VWF: variants seen among roughly 807,000 people sequenced by gnomAD.
The protein encoded by VWF is Factor VIII related antigen.
In VWF, 176 loss-of-function variants were observed where a neutral mutation model predicts 308.6. The observed-to-expected ratio is 0.57, with a 90% CI of 0.50 to 0.65. The LOEUF is 0.65. VWF is among the 30% of genes least tolerant of loss of function. The probability of loss-of-function intolerance (pLI) is 0.00; values close to 1 mark genes in which losing one functional copy is unlikely to be tolerated. For synonymous variants in VWF, 1,385 were observed against 1,443.4 expected (o/e 0.96, Z 0.92); for missense variants, 3,146 against 3,648.2 (o/e 0.86, Z 3.55).
intron 40 of VWF, among the ~76,000 whole-genome samples, chr12:5,984,337 C>T (rs1943653155): frequency 6.6e-6 from 1 of 152,238 alleles, no homozygotes; most frequent in South Asian, 2.1e-4. Flanking sequence ...ACATCTCCCT[C>T]CCCTACAGGA....
chr12:6,032,819 C>T (rs1944283742), intron 20 of VWF, among the ~76,000 whole-genome samples: 1 of 151,956 alleles, frequency 6.6e-6, no homozygotes, highest in Admixed American at 6.6e-5. Context: ...CTCATACACA[C>T]ACTCACACAC....
intron 3 of VWF, 109 bp from the exon 4 acceptor site, chr12:6,111,077 A>G (rs988327328): frequency 5.9e-6 from 6 of 1,013,988 alleles, no homozygotes; most frequent in Admixed American, 2.0e-5. Flanking sequence ...AAACGCCCCA[A>G]AAAGTCTTTA....
At chr12:6,016,677 C>G (rs137875257) in intron 29 of VWF, 21 bp from the exon 30 acceptor site, 2 of 1,614,186 alleles carry the variant, frequency 1.2e-6, no homozygotes, top group Non-Finnish European at 1.7e-6. Context: ...CGAGAAAATG[C>G]GGATTATTTT....
chr12:6,079,403 A>G lies in VWF; in HGVS notation c.658-3852T>C, dbSNP rs113487063. ...GGGCGGATCAAGAGGTCAGGAGATC[A>G]AGACCATCCTGGCTAACACGGTGAA... On this transcript the variant is annotated intron_variant, in intron 6 of 51. Coordinates refer to ENST00000261405, the MANE Select transcript of VWF (RefSeq NM_000552.5). 1.5e-3 allele frequency among the ~76,000 whole-genome samples: 233 copies of G among 152,238 alleles called. 1 individual carries two copies. Among genetic ancestry groups the G allele is most frequent in the South Asian group, 0.013 (64 of 4,822 alleles).
At chr12:5,957,598 AGACTAAG>A in intron 47 of VWF, among the ~76,000 whole-genome samples, 1 of 150,432 alleles carries the variant, frequency 6.6e-6, no homozygotes, top group African/African-American at 2.5e-5. Flanking sequence ...CACAAGCCAA[AGACTAAG>A]AAACATACTT....
chr12:6,016,871 C>A lies in VWF; in HGVS notation c.5054-1G>T. The A allele has an allele frequency of 6.2e-7, 1 of 1,613,860 alleles. No homozygotes were observed. Among genetic ancestry groups the A allele is most frequent in the South Asian group, 1.1e-5 (1 of 91,038 alleles). ...ATCACGTCCAGGGGCTGGCTGCAGT[C>A]TGCAAAGACAACCAGGAAGGTGAGC... On this transcript the variant is annotated splice_acceptor_variant, in intron 28 of 51. Transcript: ENST00000261405. LOFTEE classifies it high-confidence loss of function.
chr12:6,015,006 A>C (rs1944040610), intron 31 of VWF, among the ~76,000 whole-genome samples: 1 of 152,254 alleles, frequency 6.6e-6, no homozygotes, highest in Admixed American at 6.5e-5. Flanking sequence ...TCAGCTCTCC[A>C]GAAAGTTCTA....
intron 34 of VWF, among the ~76,000 whole-genome samples, chr12:6,011,306 C>A (rs1943990340): frequency 6.6e-6 from 1 of 152,184 alleles, no homozygotes; most frequent in Non-Finnish European, 1.5e-5. Flanking sequence ...TACACAGATT[C>A]CTAAAGGTTG....
intron 45 of VWF, 39 bp from the exon 46 acceptor site, chr12:5,968,206 C>T: frequency 6.2e-7 from 1 of 1,613,288 alleles, no homozygotes; most frequent in Non-Finnish European, 8.5e-7. Flanking sequence ...GTGGGCAAAA[C>T]ACACCCTGGT....
At chr12:6,066,393 T>A (rs1192999629) in intron 10 of VWF, among the ~76,000 whole-genome samples, 1 of 152,170 alleles carries the variant, frequency 6.6e-6, no homozygotes, top group Admixed American at 6.5e-5. Context: ...CTATCTACTC[T>A]ACAGAAAAAG....
At chr12:6,031,874 A>C (rs1254993375) in intron 20 of VWF, among the ~76,000 whole-genome samples, 1 of 152,048 alleles carries the variant, frequency 6.6e-6, no homozygotes, top group Non-Finnish European at 1.5e-5. Context: ...GCTTCGATGG[A>C]TGCATCAGGC....
chr12:6,057,221 C>A (rs1197470334), intron 14 of VWF, 149 bp from the exon 15 acceptor site: 3 of 675,478 alleles, frequency 4.4e-6, no homozygotes, highest in East Asian at 5.9e-5. Flanking sequence ...ACCCCCACCC[C>A]CAAGTCCATT....
At chr12:6,067,913 C>G (rs1944734817) in intron 10 of VWF, among the ~76,000 whole-genome samples, 1 of 152,042 alleles carries the variant, frequency 6.6e-6, no homozygotes, top group Non-Finnish European at 1.5e-5. Flanking sequence ...ACAGGCGGAG[C>G]ACCCAAGGTC....
At chr12:6,010,456 T>C (rs1943981646) in intron 34 of VWF, among the ~76,000 whole-genome samples, 1 of 152,218 alleles carries the variant, frequency 6.6e-6, no homozygotes, top group South Asian at 2.1e-4. Context: ...TGGGAATGTC[T>C]AAGGGGAACT....
chr12:6,035,102 G>A (rs1410510321), intron 19 of VWF, among the ~76,000 whole-genome samples: 1 of 152,206 alleles, frequency 6.6e-6, no homozygotes, highest in Non-Finnish European at 1.5e-5. Flanking sequence ...GGCAGCCAGG[G>A]AGGAGGCCCG....
intron 15 of VWF, 110 bp downstream of exon 15, chr12:6,056,747 G>T: frequency 1.0e-6 from 1 of 969,724 alleles, no homozygotes; most frequent in African/African-American, 1.7e-5. Context: ...TTGTCACAAT[G>T]CCCTACGCCC....
At chr12:6,031,716 C>T in intron 20 of VWF, 138 bp from the exon 21 acceptor site, 1 of 1,369,166 alleles carries the variant, frequency 7.3e-7, no homozygotes, top group Non-Finnish European at 1.0e-6. Context: ...GCATATGTGC[C>T]TCTGTGTGTG....
Position 6,018,654 on chromosome 12 carries a change from G to A in VWF, c.4764C>T (p.His1588=), listed in dbSNP as rs779488283. 2 of 1,614,054 alleles carry A rather than the reference G, an allele frequency of 1.2e-6. No individual in the cohort carries two copies. Among genetic ancestry groups the A allele is most frequent in the Non-Finnish European group, 1.7e-6 (2 of 1,179,980 alleles). Residue 1588 remains histidine, a synonymous_variant, in exon 28 of 52, where the codon CAC becomes CAT. Coordinates refer to ENST00000261405, the MANE Select transcript of VWF (RefSeq NM_000552.5). ...GGTCACCCTGGCTGACCAAGAAGCT[G>A]TGGTCAGAGAGGTACCGCAGGGCCA... ...TGLALRYLSD[H]SFLVSQGDRE... is the part of the protein sequence containing the mutation.
At chr12:6,036,607 G>A (rs1401538962) in intron 18 of VWF, 116 bp from the exon 19 acceptor site, 6 of 965,328 alleles carry the variant, frequency 6.2e-6, no homozygotes, top group Non-Finnish European at 9.7e-6. Flanking sequence ...GCCCAGCACT[G>A]GGACTGGCAC....
Sources: gnomAD v4.1 joint callset for allele counts (sites outside exome capture counted in the v4.1 genomes callset) on GRCh38, gnomAD v4.1.1 for gene constraint, MANE v1.5 for transcripts, NCBI Gene and HGNC (gene_info 2026-07-23, HGNC 2026-07-21) for gene names.